The following ELAVL1 variants were observed in gnomAD, a reference collection of about 807,000 sequenced individuals.
ELAVL1 encodes ELAV like RNA binding protein 1, also known as ELAV-like protein 1.
Under a neutral mutation model 28.4 loss-of-function variants are expected in ELAVL1, and 1 was observed. That is an observed-to-expected ratio of 0.04 (90% CI 0.01 to 0.17). ELAVL1 has a LOEUF of 0.17. Ranked by LOEUF, ELAVL1 falls within the 10% of genes least tolerant of loss-of-function variation. ELAVL1 has a pLI of 1.00. For synonymous variants in ELAVL1, 174 were observed against 183.5 expected (o/e 0.95, Z 0.42); for missense variants, 157 against 447.2 (o/e 0.35, Z 5.85).
At chr19:7,988,064 G>A (rs1985652435) in intron 2 of ELAVL1, among the ~76,000 whole-genome samples, 1 of 152,184 alleles carries the variant, frequency 6.6e-6, no homozygotes, top group African/African-American at 2.4e-5. Flanking sequence ...CACCAGCAGT[G>A]GTGTCCTGGG....
chr19:7,973,490 A>G lies in ELAVL1; in HGVS notation c.430+235T>C, dbSNP rs1412828527. ...CGTGATCCACCCACCTTGGCCTCCC[A>G]AAGTGCTGGGATTACAGGCGTGAGC... On this transcript the variant is annotated intron_variant, in intron 4 of 5. Coordinates refer to ENST00000407627, the MANE Select transcript of ELAVL1 (RefSeq NM_001419.3). The G allele has an allele frequency of 1.3e-5, 7 of 548,882 alleles. No homozygotes were observed. In the African/African-American group the frequency reaches 1.3e-4, roughly 10 times the overall value. The allele number at this position is 548,882 out of a possible 1,614,324, so 34.0% of individuals were successfully genotyped here.
chr19:7,978,089 A>AC (rs1985351404), intron 3 of ELAVL1, among the ~76,000 whole-genome samples: 1 of 152,268 alleles, frequency 6.6e-6, no homozygotes, highest in Non-Finnish European at 1.5e-5. Flanking sequence ...AATGGTGGGC[A>AC]CAACTGGGCT....
chr19:7,976,530 T>G lies in ELAVL1; in HGVS notation c.277-2652A>C, dbSNP rs1054591076. Among the ~76,000 whole-genome samples the G allele has an allele frequency of 3.9e-5, 6 of 152,218 alleles. No individual in the cohort carries two copies. In the East Asian group the frequency reaches 1.2e-3, roughly 29 times the overall value. On this transcript the variant is annotated intron_variant, in intron 3 of 5. Transcript: ENST00000407627. ...GGCAGACACTGGGGTGATGCTTCTC[T>G]AAAGCAAGCAGTGCCAGAGACCACC...
chr19:8,000,258 G>A (rs1318300902), intron 1 of ELAVL1, among the ~76,000 whole-genome samples: 1 of 152,166 alleles, frequency 6.6e-6, no homozygotes, highest in African/African-American at 2.4e-5. Context: ...GATCTCTGAA[G>A]GTTTTTGACT....
chr19:7,977,140 C>T (rs1016501904), intron 3 of ELAVL1, among the ~76,000 whole-genome samples: 3 of 152,156 alleles, frequency 2.0e-5, no homozygotes, highest in East Asian at 1.9e-4. Flanking sequence ...GCGCAGTAGC[C>T]ACTGCTGTGA....
chr19:7,994,770 C>T (rs1398691962), intron 1 of ELAVL1, among the ~76,000 whole-genome samples: 2 of 152,132 alleles, frequency 1.3e-5, no homozygotes, highest in South Asian at 4.1e-4. Context: ...TGGACAACAA[C>T]GTGAGACCCT....
In ELAVL1 at chr19:7,981,326, C is replaced by T. The variant is rs530666073; in HGVS notation, c.173-140G>A. On this transcript the variant is annotated intron_variant, in intron 2 of 5. Coordinates refer to ENST00000407627, the MANE Select transcript of ELAVL1 (RefSeq NM_001419.3). The surrounding 1 kb of genome is among the most constrained non-coding windows in gnomAD (Gnocchi z 4.2). ...CAAACTTTATTTTCTTTGGCAAACA[C>T]GTACATTTTCTGCAATGAACACAGG... The T allele has an allele frequency of 3.6e-5, 24 of 663,012 alleles. No individual in the cohort carries two copies. Among genetic ancestry groups the T allele is most frequent in the African/African-American group, 1.7e-4 (9 of 54,428 alleles). The allele number at this position is 663,012 out of a possible 1,614,324, so 41.1% of individuals were successfully genotyped here.
Position 7,973,691 on chromosome 19 carries a change from C to T in ELAVL1, c.430+34G>A, listed in dbSNP as rs200565156. On this transcript the variant is annotated intron_variant, in intron 4 of 5. Coordinates refer to ENST00000407627, the MANE Select transcript of ELAVL1 (RefSeq NM_001419.3). ...GAAAACCCAGCCCCCACCTAGAGAACACCCTCCCCACGCGTCTGGGGCCCC... is the reference window on the plus strand; with the variant it reads ...GAAAACCCAGCCCCCACCTAGAGAATACCCTCCCCACGCGTCTGGGGCCCC... 2.7e-5 allele frequency: 43 copies of T among 1,596,088 alleles called. No homozygotes were observed. The East Asian group carries it at 6.3e-4, about 23-fold the overall frequency.
At position 7,961,104 on chromosome 19, in the gene ELAVL1, TCA is replaced by T. The variant is rs1426170446; in HGVS notation, c.*2377_*2378del. 2.0e-5 allele frequency: 3 copies of T among 152,262 alleles called. No individual in the cohort carries two copies. Among genetic ancestry groups the T allele is most frequent in the Non-Finnish European group, 1.5e-5 (1 of 68,050 alleles). 9.4% of individuals were successfully genotyped at this position (152,262 alleles called of 1,614,324 possible). Reference sequence around the variant, plus strand: ...GGGAACTTTCAAAGGCTCATATACTTCACAGTTTCTTCTCACCTGTCCCAGCA... The same window carrying T: ...GGGAACTTTCAAAGGCTCATATACTTCAGTTTCTTCTCACCTGTCCCAGCA... On this transcript the variant is annotated 3_prime_UTR_variant, in exon 6 of 6. Coordinates refer to ENST00000407627, the MANE Select transcript of ELAVL1 (RefSeq NM_001419.3).
chr19:7,993,901 C>G (rs563529513), intron 1 of ELAVL1, among the ~76,000 whole-genome samples: 2 of 152,216 alleles, frequency 1.3e-5, no homozygotes, highest in South Asian at 4.2e-4. Flanking sequence ...GAATCAACGC[C>G]GAGGGAAGAA....
intron 1 of ELAVL1, among the ~76,000 whole-genome samples, chr19:7,994,872 T>C (rs111641396): frequency 6.6e-6 from 1 of 152,188 alleles, no homozygotes; most frequent in Admixed American, 6.5e-5. Context: ...GGAGGATCGC[T>C]TGAGCCCAGG....
At chr19:8,001,470 A>G (rs976627235) in intron 1 of ELAVL1, among the ~76,000 whole-genome samples, 4 of 151,966 alleles carry the variant, frequency 2.6e-5, no homozygotes, top group Non-Finnish European at 5.9e-5. Context: ...TTGCAAACTC[A>G]GTGTCTCTAA....
intron 1 of ELAVL1, among the ~76,000 whole-genome samples, chr19:7,999,221 A>G (rs1400254830): frequency 6.6e-6 from 1 of 152,178 alleles, no homozygotes; most frequent in Non-Finnish European, 1.5e-5. Context: ...GAAAATACAA[A>G]AATTAGCTGG....
chr19:7,969,429 C>T (rs1490079129), intron 4 of ELAVL1, among the ~76,000 whole-genome samples: 1 of 152,138 alleles, frequency 6.6e-6, no homozygotes, highest in Non-Finnish European at 1.5e-5. Context: ...CCCACAATCG[C>T]GACACTGCAG....
chr19:7,965,398 G>A (rs1984931742), intron 5 of ELAVL1, among the ~76,000 whole-genome samples: 1 of 152,132 alleles, frequency 6.6e-6, no homozygotes, highest in Non-Finnish European at 1.5e-5. Flanking sequence ...ACTCTTGTTG[G>A]TAGTTTTTCT....
chr19:7,968,733 G>A (rs1304111196), intron 4 of ELAVL1, among the ~76,000 whole-genome samples: 1 of 152,262 alleles, frequency 6.6e-6, no homozygotes, highest in Non-Finnish European at 1.5e-5. Flanking sequence ...GCATGGGTGT[G>A]AGATGCTGAG....
At chr19:7,990,727 C>T (rs1314945359) in intron 2 of ELAVL1, among the ~76,000 whole-genome samples, 5 of 152,078 alleles carry the variant, frequency 3.3e-5, no homozygotes, top group South Asian at 4.2e-4. Context: ...GACAGAGCCC[C>T]GAGAGGACTG....
At position 7,959,237 on chromosome 19, in the gene ELAVL1, C is replaced by T. The variant is rs1599660071; in HGVS notation, c.*4246G>A. ...GTGTCAGACTTTATTGAAAACAAAC[C>T]CATGTAAAAACAAAGTTAAAATGAA... On this transcript the variant is annotated 3_prime_UTR_variant, in exon 6 of 6. Transcript: ENST00000407627. 1 of 152,010 alleles carries T rather than the reference C, an allele frequency of 6.6e-6. No homozygotes were observed. Among genetic ancestry groups the T allele is most frequent in the African/African-American group, 2.4e-5 (1 of 41,264 alleles). The allele number at this position is 152,010 out of a possible 1,614,324, so 9.4% of individuals were successfully genotyped here.
chr19:7,990,301 C>CATG, intron 2 of ELAVL1, among the ~76,000 whole-genome samples: 1 of 150,602 alleles, frequency 6.6e-6, no homozygotes, highest in East Asian at 2.0e-4. Context: ...GGATTATAGG[C>CATG]ATGAGCCACC....
Sources: allele counts gnomAD v4.1 joint callset (sites outside exome capture counted in the v4.1 genomes callset), GRCh38; gene constraint gnomAD v4.1.1; non-coding constraint Gnocchi (gnomAD v3.1); transcripts MANE v1.5; gene names NCBI Gene and HGNC (gene_info 2026-07-23, HGNC 2026-07-21).